Variants in SORL1 observed in about 807,000 individuals in gnomAD.
SORL1 encodes sortilin related receptor 1.
In SORL1, 127 loss-of-function variants were observed where a neutral mutation model predicts 273.7. The ratio of observed to expected loss-of-function variants is 0.46; its 90% confidence interval spans 0.40 to 0.54. The LOEUF (loss-of-function observed/expected upper bound fraction) is 0.54. Among genes scored for constraint, SORL1 ranks in the 20% least tolerant of loss-of-function variants. SORL1 has a pLI of 0.00. For synonymous variants in SORL1, 1,031 were observed against 1,067.4 expected (o/e 0.97, Z 0.66); for missense variants, 2,494 against 2,846.1 (o/e 0.88, Z 2.81).
chr11:121,619,839 C>G lies in SORL1; in HGVS notation c.5811C>G (p.His1937Gln). The G allele has an allele frequency of 6.2e-7, 1 of 1,614,074 alleles. No individual in the cohort carries two copies. The highest frequency in any genetic ancestry group is 1.1e-5 in the South Asian group (1 of 91,078). The change falls in exon 43 of 48, where the codon CAC (histidine) becomes CAG (glutamine). Residue 1937 changes from histidine (H) to glutamine (Q), a missense_variant. By Grantham distance (24) the His-to-Gln change is conservative (BLOSUM62 0). This residue lies in a region of SORL1 where 1,609 missense variants were observed against 1,816.4 expected (regional missense o/e 0.89). Transcript: ENST00000260197. ...MIPDSRLPPR[H>Q]LHVVHTGKTS... ...CGGACAGCAGGCTTCCACCCCGTCA[C>G]CTGCATGTGGTTCATACGGGCAAAA...
chr11:121,455,485 C>T (rs1860887627), intron 1 of SORL1, among the ~76,000 whole-genome samples: 1 of 152,236 alleles, frequency 6.6e-6, no homozygotes. Flanking sequence ...TAGGGGAATA[C>T]TTGCATCTGA....
chr11:121,516,853 A>G (rs1861961852), intron 8 of SORL1, among the ~76,000 whole-genome samples: 1 of 152,008 alleles, frequency 6.6e-6, no homozygotes, highest in Admixed American at 6.6e-5. Context: ...GGAGATCGAG[A>G]CCATCTTGGC....
At chr11:121,456,350 C>A (rs1334825548) in intron 1 of SORL1, among the ~76,000 whole-genome samples, 1 of 152,208 alleles carries the variant, frequency 6.6e-6, no homozygotes, top group Admixed American at 6.5e-5. Context: ...GGATCAAGTT[C>A]TCTTGTGTTT....
chr11:121,547,265 A>G (rs1452534400), intron 14 of SORL1, among the ~76,000 whole-genome samples: 2 of 151,314 alleles, frequency 1.3e-5, no homozygotes, highest in African/African-American at 2.4e-5. Context: ...CCTATCCCCA[A>G]TATGTACTTC....
At chr11:121,509,397 G>A (rs774757174) in intron 6 of SORL1, among the ~76,000 whole-genome samples, 12 of 151,920 alleles carry the variant, frequency 7.9e-5, no homozygotes, top group South Asian at 2.1e-4. Flanking sequence ...TTGATCCTCC[G>A]TTTCTTTTTG....
intron 1 of SORL1, among the ~76,000 whole-genome samples, chr11:121,461,307 C>T (rs934750885): frequency 9.2e-5 from 14 of 152,170 alleles, no homozygotes; most frequent in African/African-American, 3.4e-4. Flanking sequence ...GGCCTTCAAT[C>T]TCTAGAGGAG....
chr11:121,511,567 A>G (rs897985257), intron 6 of SORL1, among the ~76,000 whole-genome samples: 1 of 152,226 alleles, frequency 6.6e-6, no homozygotes, highest in Non-Finnish European at 1.5e-5. Context: ...TTACATTTTT[A>G]ATAGATCCAT....
intron 22 of SORL1, among the ~76,000 whole-genome samples, chr11:121,567,733 T>G (rs1862774380): frequency 6.6e-6 from 1 of 152,114 alleles, no homozygotes; most frequent in Admixed American, 6.5e-5. Flanking sequence ...ATTTAAAAAG[T>G]TTTTCCTTCC....
Position 121,575,848 on chromosome 11 carries a change from C to T in SORL1, c.3461-1433C>T, listed in dbSNP as rs1262942265. Among the ~76,000 whole-genome samples the T allele has an allele frequency of 3.3e-5, 5 of 152,326 alleles. No individual in the cohort carries two copies. The East Asian group carries it at 7.7e-4, about 24-fold the overall frequency. On this transcript the variant is annotated intron_variant, in intron 24 of 47. Transcript: ENST00000260197. ...CCTCTTTCTGGTATCATTGAGCTCA[C>T]GTACTGGGTACATGTTTGACTGTGA...
chr11:121,555,521 A>T (rs1443100952), intron 18 of SORL1, among the ~76,000 whole-genome samples: 1 of 152,184 alleles, frequency 6.6e-6, no homozygotes, highest in Non-Finnish European at 1.5e-5. Flanking sequence ...TGGCTAGCAG[A>T]AGCTTAGCTA....
At chr11:121,496,825 T>C in intron 5 of SORL1, 44 bp from the exon 6 acceptor site, 1 of 1,549,166 alleles carries the variant, frequency 6.5e-7, no homozygotes, top group Non-Finnish European at 8.8e-7. Context: ...CCTCTAGTAA[T>C]TAAATGTGCA....
In SORL1 at chr11:121,490,060, C is replaced by G; in HGVS notation, c.708C>G (p.Asp236Glu). 6.2e-7 allele frequency: 1 copy of G among 1,613,934 alleles called. No individual in the cohort carries two copies. The highest frequency in any genetic ancestry group is 8.5e-7 in the Non-Finnish European group (1 of 1,179,782). ...CTTTGCAGCTGTGGAAGTCAGATGACTTTGGCCAGACCTGGATCATGATTC... is the reference window on the plus strand; with the variant it reads ...CTTTGCAGCTGTGGAAGTCAGATGAGTTTGGCCAGACCTGGATCATGATTC... ...HPNKQLWKSD[D>E]FGQTWIMIQE... The change falls in exon 5 of 48, where the codon GAC becomes GAG. Residue 236 changes from aspartate to glutamate, a missense_variant. Physicochemically the swap from Asp to Glu is conservative, Grantham distance 45. Transcript: ENST00000260197.
intron 4 of SORL1, 35 bp downstream of exon 4, chr11:121,488,228 T>C: frequency 1.0e-5 from 16 of 1,605,196 alleles, no homozygotes; most frequent in Non-Finnish European, 1.4e-5. Context: ...TGCATGGGGC[T>C]CCTCTAGTTT....
At chr11:121,543,200 GA>G (rs369944599) in intron 12 of SORL1, among the ~76,000 whole-genome samples, 4,551 of 134,518 alleles carry the variant, frequency 0.034, 170 homozygotes, top group East Asian at 0.22. Flanking sequence ...CAAAAAAAAA[GA>G]AAAAAAAAAA....
chr11:121,562,539 C>G (rs1385793017), intron 21 of SORL1, among the ~76,000 whole-genome samples: 1 of 152,208 alleles, frequency 6.6e-6, no homozygotes, highest in Non-Finnish European at 1.5e-5. Flanking sequence ...CTCCCTTTGT[C>G]CAGCGTCTCA....
intron 3 of SORL1, among the ~76,000 whole-genome samples, chr11:121,484,399 C>T (rs970637371): frequency 1.6e-4 from 24 of 152,044 alleles, no homozygotes; most frequent in Admixed American, 9.8e-4. Flanking sequence ...CTAGTGAAGA[C>T]GTGGGCCATG....
intron 43 of SORL1, among the ~76,000 whole-genome samples, chr11:121,620,366 A>G (rs1289183541): frequency 6.6e-6 from 1 of 152,214 alleles, no homozygotes; most frequent in South Asian, 2.1e-4. Flanking sequence ...CACCTACAGT[A>G]TTACTGTGTG....
intron 21 of SORL1, among the ~76,000 whole-genome samples, chr11:121,561,883 GC>G (rs1179844279): frequency 1.3e-5 from 2 of 152,078 alleles, no homozygotes; most frequent in Non-Finnish European, 2.9e-5. Flanking sequence ...GAGACCTACT[GC>G]CTCCAAACAC....
At chr11:121,466,866 A>G (rs1457417623) in intron 1 of SORL1, among the ~76,000 whole-genome samples, 3 of 152,082 alleles carry the variant, frequency 2.0e-5, no homozygotes, top group Non-Finnish European at 4.4e-5. Context: ...ATTTCTTGCC[A>G]GGGATTTTAT....
Sources: gnomAD v4.1 joint callset for allele counts (sites outside exome capture counted in the v4.1 genomes callset) on GRCh38, gnomAD v4.1.1 for gene constraint, gnomAD v4.1.1 regional missense constraint, MANE v1.5 for transcripts, NCBI Gene and HGNC (gene_info 2026-07-23, HGNC 2026-07-21) for gene names.